MKNK1: variants seen among roughly 807,000 people sequenced by gnomAD.
MKNK1 encodes the protein MAPK interacting serine/threonine kinase 1.
In MKNK1, 30 loss-of-function variants were observed where a neutral mutation model predicts 49.3. The observed-to-expected ratio is 0.61, with a 90% CI of 0.46 to 0.83. MKNK1 has a LOEUF of 0.83. Ranked by LOEUF, MKNK1 falls within the 40% of genes least tolerant of loss-of-function variation. The pLI is 0.00. For synonymous variants in MKNK1, 176 were observed against 201.7 expected (o/e 0.87, Z 1.08); for missense variants, 423 against 524.7 (o/e 0.81, Z 1.89).
intron 7 of MKNK1, chr1:46,569,776 C>T (rs1669762597): frequency 1.3e-5 from 2 of 152,242 alleles, no homozygotes; most frequent in African/African-American, 2.4e-5. Flanking sequence ...CTCTGCAGCT[C>T]GCTGCACTAA....
chr1:46,601,886 G>C (rs759600462), intron 1 of MKNK1, among the ~76,000 whole-genome samples: 23 of 152,194 alleles, frequency 1.5e-4, no homozygotes, highest in Non-Finnish European at 3.1e-4. Flanking sequence ...TACATATGGA[G>C]TGTACATATC....
At chr1:46,572,378 A>C in intron 6 of MKNK1, 1 of 400,728 alleles carries the variant, frequency 2.5e-6, no homozygotes, top group South Asian at 2.9e-5. Context: ...ATGTCCAGCT[A>C]ATTTTTGTAC....
At chr1:46,598,040 A>G (rs1236022212) in intron 1 of MKNK1, among the ~76,000 whole-genome samples, 1 of 152,268 alleles carries the variant, frequency 6.6e-6, no homozygotes, top group Non-Finnish European at 1.5e-5. Flanking sequence ...AAAGGTTCTC[A>G]TGAGAAAATC....
chr1:46,580,604 A>T lies in MKNK1; in HGVS notation c.124T>A (p.Leu42Met). ...FEDMYKLTSE[L>M]LGEGAYAKVQ... The stretch of plus-strand genomic sequence containing the variant: ...TTGGCATAGGCTCCCTCTCCAAGCA[A>T]TTCAGAGGTCAGCTTGTACATATCT... The change falls in exon 4 of 13, where the codon TTG becomes ATG. Residue 42 changes from leucine to methionine, a missense_variant. Physicochemically the swap from Leu to Met is conservative, Grantham distance 15. Transcript: ENST00000371945. 2 of 1,613,816 alleles carry T rather than the reference A, an allele frequency of 1.2e-6. No individual in the cohort carries two copies. The highest frequency in any genetic ancestry group is 1.6e-4 in the Middle Eastern group (1 of 6,062).
chr1:46,576,686 C>G, intron 4 of MKNK1, 32 bp from the exon 5 acceptor site: 19 of 1,583,216 alleles, frequency 1.2e-5, no homozygotes, highest in Non-Finnish European at 1.6e-5. Flanking sequence ...TCATGTACAC[C>G]CACCTGACTT....
intron 2 of MKNK1, among the ~76,000 whole-genome samples, chr1:46,587,542 G>A (rs1422105742): frequency 2.0e-5 from 3 of 152,200 alleles, no homozygotes; most frequent in Non-Finnish European, 4.4e-5. Context: ...TGATGGCCAG[G>A]TGTGGTGGCT....
intron 11 of MKNK1, 49 bp from the exon 12 acceptor site, chr1:46,560,326 C>A (rs1355777469): frequency 6.3e-7 from 1 of 1,597,474 alleles, no homozygotes. Context: ...TCCCTCCTTT[C>A]AAGAACTGCC....
At chr1:46,565,459 G>T in intron 8 of MKNK1, 1 of 364,860 alleles carries the variant, frequency 2.7e-6, no homozygotes, top group Non-Finnish European at 5.2e-6. Context: ...AGCTAGGGAA[G>T]TTACTGTGTA....
intron 11 of MKNK1, 32 bp downstream of exon 11, chr1:46,561,443 AGTG>A (rs775076872): frequency 5.7e-6 from 9 of 1,574,850 alleles, no homozygotes; most frequent in Non-Finnish European, 7.8e-6. Flanking sequence ...ACAGGCCTGA[AGTG>A]GTGGAAAACA....
At chr1:46,568,800 C>A in intron 7 of MKNK1, 1 of 391,894 alleles carries the variant, frequency 2.6e-6, no homozygotes, top group East Asian at 5.5e-5. Context: ...AGGCCTAATG[C>A]AGAGCAGAGC....
chr1:46,560,169 C>T, intron 12 of MKNK1, 65 bp downstream of exon 12: 1 of 1,538,718 alleles, frequency 6.5e-7, no homozygotes, highest in Non-Finnish European at 8.8e-7. Context: ...CTCCCCCGGC[C>T]CCCACCCCCA....
At chr1:46,580,650 G>A (rs919227691) in intron 3 of MKNK1, 23 bp from the exon 4 acceptor site, 19 of 1,533,848 alleles carry the variant, frequency 1.2e-5, no homozygotes, top group Non-Finnish European at 1.7e-5. Context: ...TGGATGAGAG[G>A]AATAACAAGA....
intron 2 of MKNK1, among the ~76,000 whole-genome samples, chr1:46,590,463 C>T (rs541212034): frequency 6.6e-6 from 1 of 152,322 alleles, no homozygotes; most frequent in South Asian, 2.1e-4. Context: ...CTTATTTAAT[C>T]ATCACTACTT....
intron 2 of MKNK1, among the ~76,000 whole-genome samples, chr1:46,588,999 A>G (rs1050282633): frequency 1.3e-5 from 2 of 152,212 alleles, no homozygotes; most frequent in African/African-American, 2.4e-5. Flanking sequence ...TGGGCTGCCC[A>G]TGCCACAAGG....
intron 3 of MKNK1, 76 bp downstream of exon 3, chr1:46,583,152 G>T: frequency 8.8e-7 from 1 of 1,142,018 alleles, no homozygotes; most frequent in Non-Finnish European, 1.3e-6. Flanking sequence ...TCTGTGATCG[G>T]ACCTGTGGCT....
At chr1:46,564,929 C>T in intron 9 of MKNK1, 112 bp downstream of exon 9, 1 of 1,011,984 alleles carries the variant, frequency 9.9e-7, no homozygotes, top group South Asian at 1.4e-5. Context: ...ACTCAGGCAG[C>T]AGGAAGATAG....
At chr1:46,592,599 G>A (rs1673491604) in intron 2 of MKNK1, among the ~76,000 whole-genome samples, 1 of 152,194 alleles carries the variant, frequency 6.6e-6, no homozygotes, top group African/African-American at 2.4e-5. Flanking sequence ...ACAGCCCGGG[G>A]CAGGGTGAGA....
chr1:46,564,443 G>A lies in MKNK1; in HGVS notation c.609+598C>T, dbSNP rs182157714. The stretch of plus-strand genomic sequence containing the variant: ...ATTTTCACCTGGGTCAGGAGTCAGG[G>A]CTCAGCCTGTGTTTTTTTTATTGTT... On this transcript the variant is annotated intron_variant, in intron 9 of 12. Transcript: ENST00000371945. 1.9e-3 allele frequency among the ~76,000 whole-genome samples: 275 copies of A among 148,442 alleles called. 4 individuals carry two copies. Among genetic ancestry groups the A allele is most frequent in the Middle Eastern group, 0.014 (4 of 288 alleles).
intron 5 of MKNK1, 121 bp downstream of exon 5, chr1:46,576,454 C>CTCA: frequency 1.3e-6 from 1 of 785,238 alleles, no homozygotes; most frequent in South Asian, 1.5e-5. Flanking sequence ...GAAGGAGGTA[C>CTCA]CTGCCTTGTG....
Sources: gnomAD v4.1 joint callset for allele counts (sites outside exome capture counted in the v4.1 genomes callset) on GRCh38, gnomAD v4.1.1 for gene constraint, MANE v1.5 for transcripts, NCBI Gene and HGNC (gene_info 2026-07-23, HGNC 2026-07-21) for gene names.